The following ETV6 variants were observed in gnomAD, a reference collection of about 807,000 sequenced individuals.
ETV6 encodes transcription factor ETV6.
In ETV6, 16 loss-of-function variants were observed where a neutral mutation model predicts 51.1. That is an observed-to-expected ratio of 0.31 (90% CI 0.21 to 0.48). The LOEUF is 0.48. Among genes scored for constraint, ETV6 ranks in the 20% least tolerant of loss-of-function variants. The pLI is 0.99. For synonymous variants in ETV6, 240 were observed against 224.1 expected (o/e 1.07, Z -0.64); for missense variants, 458 against 594.8 (o/e 0.77, Z 2.39).
intron 2 of ETV6, among the ~76,000 whole-genome samples, chr12:11,775,860 A>C (rs1372521800): frequency 6.6e-6 from 1 of 152,230 alleles, no homozygotes; most frequent in Admixed American, 6.5e-5. Flanking sequence ...ATACACGTCA[A>C]TATGTTATTG....
chr12:11,853,891 TC>T (rs1386850600), intron 4 of ETV6, among the ~76,000 whole-genome samples: 1 of 152,170 alleles, frequency 6.6e-6, no homozygotes, highest in East Asian at 1.9e-4. Flanking sequence ...AGAGCAGTGC[TC>T]CCCACCCTTT....
intron 4 of ETV6, among the ~76,000 whole-genome samples, chr12:11,861,012 C>T (rs1044125542): frequency 6.6e-6 from 1 of 152,212 alleles, no homozygotes; most frequent in African/African-American, 2.4e-5. Context: ...TCTCAGAACA[C>T]GGCCTGTTTG....
At chr12:11,709,574 A>G (rs1865136077) in intron 1 of ETV6, among the ~76,000 whole-genome samples, 1 of 152,238 alleles carries the variant, frequency 6.6e-6, no homozygotes, top group South Asian at 2.1e-4. Context: ...CCTAGGGCAC[A>G]AGTGATGCTT....
intron 1 of ETV6, among the ~76,000 whole-genome samples, chr12:11,744,177 C>T (rs1865865428): frequency 6.6e-6 from 1 of 152,212 alleles, no homozygotes; most frequent in Admixed American, 6.5e-5. Context: ...TTGAGAAGCG[C>T]TGTCTAATGG....
chr12:11,821,179 G>A (rs1424621084), intron 2 of ETV6, among the ~76,000 whole-genome samples: 4 of 151,634 alleles, frequency 2.6e-5, no homozygotes, highest in East Asian at 2.0e-4. Flanking sequence ...TGGCTAACAC[G>A]GCAAAACCCC....
At chr12:11,677,942 C>T (rs977732721) in intron 1 of ETV6, among the ~76,000 whole-genome samples, 14 of 152,214 alleles carry the variant, frequency 9.2e-5, no homozygotes, top group African/African-American at 3.4e-4. Flanking sequence ...TCCCCTCGTG[C>T]AGTTCTCTGC....
chr12:11,752,755 G>T, intron 2 of ETV6, 176 bp downstream of exon 2: 1 of 617,068 alleles, frequency 1.6e-6, no homozygotes, highest in Non-Finnish European at 2.6e-6. Context: ...AAAATTTGAG[G>T]TTCCTGTTCC....
intron 2 of ETV6, among the ~76,000 whole-genome samples, chr12:11,802,463 T>C (rs932604638): frequency 3.9e-5 from 6 of 152,238 alleles, no homozygotes; most frequent in African/African-American, 1.4e-4. Context: ...ATTCCTGTTA[T>C]ATTACTCTCC....
chr12:11,825,280 C>T (rs1001681508), intron 2 of ETV6, among the ~76,000 whole-genome samples: 1 of 152,110 alleles, frequency 6.6e-6, no homozygotes, highest in African/African-American at 2.4e-5. Context: ...CAAGATGAAT[C>T]TTTACAAAAG....
At chr12:11,833,454 A>G (rs1391110876) in intron 2 of ETV6, among the ~76,000 whole-genome samples, 1 of 152,080 alleles carries the variant, frequency 6.6e-6, no homozygotes, top group Admixed American at 6.6e-5. Flanking sequence ...TGCATGCTGA[A>G]CTACCGTGAA....
intron 7 of ETV6, among the ~76,000 whole-genome samples, chr12:11,888,398 C>CTTTTCTTTTTTT (rs753710183): frequency 3.7e-5 from 3 of 80,688 alleles, no homozygotes; most frequent in South Asian, 5.8e-4. Flanking sequence ...CTTTTCTTTT[C>CTTTTCTTTTTTT]TTTTTTTTTT....
In ETV6 at chr12:11,869,665, G is replaced by C. The variant is rs769913947; in HGVS notation, c.705G>C (p.Leu235=). The C allele has an allele frequency of 6.2e-7, 1 of 1,614,150 alleles. No individual in the cohort carries two copies. The change falls in exon 5 of 8, where the codon CTG becomes CTC. Residue 235 remains leucine (L), a synonymous_variant. Coordinates refer to ENST00000396373, the MANE Select transcript of ETV6 (RefSeq NM_001987.5). The surrounding 1 kb of genome is among the most constrained non-coding windows in gnomAD (Gnocchi z 5.0). ...ACAACCACCAGGAGTCCTACCCTCT[G>C]TCAGTGTCTCCCATGGAGAATAATC... ...QENNHQESYP[L]SVSPMENNHC... is the part of the protein sequence containing the mutation.
chr12:11,864,262 A>G (rs1468932541), intron 4 of ETV6, among the ~76,000 whole-genome samples: 3 of 152,220 alleles, frequency 2.0e-5, no homozygotes, highest in Non-Finnish European at 4.4e-5. Context: ...ACACCCACAC[A>G]CTAAGCCTTG....
chr12:11,675,680 A>G (rs1186044643), intron 1 of ETV6, among the ~76,000 whole-genome samples: 2 of 152,122 alleles, frequency 1.3e-5, no homozygotes, highest in African/African-American at 4.8e-5. Flanking sequence ...TGGATGTGGT[A>G]ATGTGTGCCT....
intron 1 of ETV6, among the ~76,000 whole-genome samples, chr12:11,671,235 T>C (rs1864307989): frequency 6.6e-6 from 1 of 152,206 alleles, no homozygotes; most frequent in Admixed American, 6.5e-5. Flanking sequence ...GCCTTGTCTC[T>C]TTTGCCTCTT....
chr12:11,756,870 G>C (rs1945015929), intron 2 of ETV6, among the ~76,000 whole-genome samples: 2 of 152,194 alleles, frequency 1.3e-5, no homozygotes, highest in Non-Finnish European at 2.9e-5. Flanking sequence ...AGTTCAGATT[G>C]ATGGGGCAGA....
chr12:11,816,420 T>C (rs1432960577), intron 2 of ETV6, among the ~76,000 whole-genome samples: 1 of 152,164 alleles, frequency 6.6e-6, no homozygotes, highest in South Asian at 2.1e-4. Context: ...AAATTTTTTG[T>C]ATTTTTGGTA....
chr12:11,827,440 G>A (rs564930495), intron 2 of ETV6, among the ~76,000 whole-genome samples: 1 of 152,274 alleles, frequency 6.6e-6, no homozygotes, highest in African/African-American at 2.4e-5. Context: ...TGCTTTGGAG[G>A]TGCTGTAGGT....
rs1947331249 is a variant in ETV6, at chr12:11,893,575, A to G, written c.*2529A>G. Reference sequence around the variant, plus strand: ...AACAGTTAAAACCCCCAAATGCCCCAAAATCCAAACCTTCCTGAACGCTAT... The same window carrying G: ...AACAGTTAAAACCCCCAAATGCCCCGAAATCCAAACCTTCCTGAACGCTAT... On this transcript the variant is annotated 3_prime_UTR_variant, in exon 8 of 8. Coordinates refer to ENST00000396373, the MANE Select transcript of ETV6 (RefSeq NM_001987.5). The G allele has an allele frequency of 4.3e-6, 1 of 231,742 alleles. No individual in the cohort carries two copies. The highest frequency in any genetic ancestry group is 5.6e-5 in the Admixed American group (1 of 17,728). 14.4% of individuals were successfully genotyped at this position (231,742 alleles called of 1,614,324 possible).
Sources: gnomAD v4.1 joint callset for allele counts (sites outside exome capture counted in the v4.1 genomes callset) on GRCh38, gnomAD v4.1.1 for gene constraint, Gnocchi (gnomAD v3.1) non-coding constraint, MANE v1.5 for transcripts, NCBI Gene and HGNC (gene_info 2026-07-23, HGNC 2026-07-21) for gene names.